Variants in MATN2 observed in about 807,000 individuals in gnomAD.
MATN2 encodes the protein matrilin-2.
MATN2 carries 69 observed loss-of-function variants against 103.2 expected under a neutral mutation model. That is an observed-to-expected ratio of 0.67 (90% CI 0.55 to 0.82). The LOEUF (loss-of-function observed/expected upper bound fraction) is 0.82, where lower values mean the gene tolerates loss of function less well. MATN2 is among the 40% of genes least tolerant of loss of function. The pLI, the probability that MATN2 is intolerant of heterozygous loss-of-function variation, is 0.00. For synonymous variants in MATN2, 429 were observed against 450.2 expected, an observed-to-expected ratio of 0.95 and a Z score of 0.60; for missense variants, 1,023 against 1,211.5, an observed-to-expected ratio of 0.84 and a Z score of 2.31.
chr8:97,889,746 A>T (rs907592457), intron 2 of MATN2, among the ~76,000 whole-genome samples: 2 of 152,020 alleles, frequency 1.3e-5, no homozygotes, highest in Non-Finnish European at 1.5e-5. Context: ...CATGGCCAAG[A>T]TACCTGATTT....
At chr8:98,013,233 A>G (rs1187584474) in intron 10 of MATN2, among the ~76,000 whole-genome samples, 4 of 152,212 alleles carry the variant, frequency 2.6e-5, no homozygotes, top group Non-Finnish European at 5.9e-5. Context: ...CTAATTTCCC[A>G]TCCACGGTTC....
intron 6 of MATN2, among the ~76,000 whole-genome samples, chr8:97,980,558 CTT>C (rs71570278): frequency 0.078 from 7,286 of 93,508 alleles, 155 homozygotes; most frequent in Admixed American, 0.14. Flanking sequence ...TTATTCTTTC[CTT>C]TTTTTTTTTT....
chr8:97,871,426 A>G (rs1301165371), intron 1 of MATN2, among the ~76,000 whole-genome samples: 1 of 152,158 alleles, frequency 6.6e-6, no homozygotes, highest in East Asian at 1.9e-4. Flanking sequence ...GGCAAGCAGT[A>G]GGAGAGGTGA....
intron 13 of MATN2, chr8:98,025,271 C>G (rs768777342): frequency 1.3e-5 from 2 of 152,438 alleles, no homozygotes; most frequent in African/African-American, 4.9e-5. Context: ...TGCGCACTCA[C>G]GCACACACAC....
chr8:97,936,034 C>T (rs1410671320), intron 3 of MATN2, among the ~76,000 whole-genome samples: 1 of 152,148 alleles, frequency 6.6e-6, no homozygotes, highest in Non-Finnish European at 1.5e-5. Flanking sequence ...CAGGCAGGGA[C>T]TTCCCATACC....
Position 97,931,282 on chromosome 8 carries a change from AG to A in MATN2, c.475del (p.Glu159ArgfsTer7). The A allele has an allele frequency of 1.9e-6, 3 of 1,613,934 alleles. No individual in the cohort carries two copies. In the South Asian group the frequency reaches 3.3e-5, roughly 18 times the overall value. On this transcript the variant is annotated frameshift_variant, in exon 3 of 19. Coordinates refer to ENST00000254898, the MANE Select transcript of MATN2 (RefSeq NM_002380.5). LOFTEE classifies it high-confidence loss of function. This position sits in a 1 kb window ranked among gnomAD's most constrained non-coding sequence, Gnocchi z 4.1. Reference sequence around the variant, plus strand: ...AGAAGCAGAGGGGGCCCGGCCCCTGAGGGAGAATGTGCCACGGGTCATAATG... The same window carrying A: ...AGAAGCAGAGGGGGCCCGGCCCCTGAGGAGAATGTGCCACGGGTCATAATG... ...FSEAEGARPL[R>X]ENVPRVIMIV... is the part of the protein sequence containing the mutation.
intron 5 of MATN2, among the ~76,000 whole-genome samples, chr8:97,964,183 A>G (rs993163711): frequency 4.6e-5 from 7 of 152,074 alleles, no homozygotes; most frequent in African/African-American, 1.7e-4. Flanking sequence ...TCAGAGAGAG[A>G]CTGTTACAGT....
intron 1 of MATN2, among the ~76,000 whole-genome samples, chr8:97,883,342 A>G (rs181371524): frequency 1.3e-5 from 2 of 150,770 alleles, no homozygotes; most frequent in Admixed American, 6.6e-5. Flanking sequence ...TCAGATACAT[A>G]TTTTACAAAT....
intron 10 of MATN2, among the ~76,000 whole-genome samples, chr8:98,009,402 C>A (rs985185221): frequency 6.6e-6 from 1 of 152,178 alleles, no homozygotes; most frequent in Non-Finnish European, 1.5e-5. Context: ...TTTGGTAAAG[C>A]CTTTTGGGGG....
chr8:98,030,650 GGCA>G (rs1411807108), intron 15 of MATN2, 36 bp downstream of exon 15: 2 of 1,592,492 alleles, frequency 1.3e-6, no homozygotes, highest in Non-Finnish European at 1.7e-6. Flanking sequence ...TAGCAAACAA[GGCA>G]GCATGAACTC....
chr8:97,997,203 T>A (rs1227538939), intron 7 of MATN2, among the ~76,000 whole-genome samples: 1 of 152,194 alleles, frequency 6.6e-6, no homozygotes, highest in Non-Finnish European at 1.5e-5. Context: ...CTGATTCTGG[T>A]ACCATGATGA....
intron 4 of MATN2, among the ~76,000 whole-genome samples, chr8:97,951,626 A>G (rs759138516): frequency 6.6e-6 from 1 of 152,224 alleles, no homozygotes; most frequent in Admixed American, 6.5e-5. Context: ...GATGTTTTAA[A>G]TAAGATCTCT....
chr8:97,870,787 A>C (rs1348158237), intron 1 of MATN2, among the ~76,000 whole-genome samples: 1 of 152,208 alleles, frequency 6.6e-6, no homozygotes, highest in Non-Finnish European at 1.5e-5. Flanking sequence ...CCAACCTCAT[A>C]AAACCATGTC....
intron 1 of MATN2, among the ~76,000 whole-genome samples, chr8:97,878,201 C>G (rs1407661134): frequency 6.6e-6 from 1 of 152,094 alleles, no homozygotes; most frequent in Non-Finnish European, 1.5e-5. Flanking sequence ...TAAGTAGATA[C>G]TTGATATTTC....
In MATN2 at chr8:97,914,609, C is replaced by T. The variant is rs538494437; in HGVS notation, c.143-16344C>T. ...GCTCAAGTGATCCTCTTGCCTCAGC[C>T]TCCCAAAGTGCTGAGATTACATGTG... is the stretch of plus-strand genomic sequence containing the variant. On this transcript the variant is annotated intron_variant, in intron 2 of 18. Coordinates refer to ENST00000254898, the MANE Select transcript of MATN2 (RefSeq NM_002380.5). 1.3e-3 allele frequency among the ~76,000 whole-genome samples: 201 copies of T among 151,908 alleles called. 3 individuals are homozygous for T. The highest frequency in any genetic ancestry group is 4.0e-3 in the African/African-American group (167 of 41,410).
At chr8:98,033,320 G>T in intron 17 of MATN2, 144 bp downstream of exon 17, 1 of 849,950 alleles carries the variant, frequency 1.2e-6, no homozygotes, top group Non-Finnish European at 1.7e-6. Flanking sequence ...AGTAAAATGA[G>T]AACTAAAACA....
intron 15 of MATN2, chr8:98,031,333 G>A (rs1270087229): frequency 6.6e-6 from 1 of 151,208 alleles, no homozygotes; most frequent in Admixed American, 6.6e-5. Flanking sequence ...GCAAGACCCT[G>A]TCTCAAAAAA....
rs573319592 is a variant in MATN2 at position 98,020,904 on chromosome 8, G to C, written c.1820-301G>C. On this transcript the variant is annotated intron_variant, in intron 12 of 18. Coordinates refer to ENST00000254898, the MANE Select transcript of MATN2 (RefSeq NM_002380.5). ...AATGTTCATTAGACAATCTGAACTG[G>C]AGTGTTTGGGATGTCTGTGGCAAAA... is the stretch of plus-strand genomic sequence containing the variant. The C allele has an allele frequency of 1.6e-5, 4 of 255,202 alleles. No individual in the cohort carries two copies. The South Asian group carries it at 2.2e-4, about 14-fold the overall frequency. 15.8% of individuals were successfully genotyped at this position (255,202 alleles called of 1,614,324 possible).
At chr8:97,880,362 A>G (rs1448168224) in intron 1 of MATN2, among the ~76,000 whole-genome samples, 1 of 152,178 alleles carries the variant, frequency 6.6e-6, no homozygotes, top group Non-Finnish European at 1.5e-5. Context: ...TGAGAAAGAG[A>G]AAGAGCTGGA....
Sources: gnomAD v4.1 joint callset for allele counts (sites outside exome capture counted in the v4.1 genomes callset) on GRCh38, gnomAD v4.1.1 for gene constraint, Gnocchi (gnomAD v3.1) non-coding constraint, MANE v1.5 for transcripts, NCBI Gene and HGNC (gene_info 2026-07-23, HGNC 2026-07-21) for gene names.